The following MXRA5 variants were observed in gnomAD, a reference collection of about 807,000 sequenced individuals.
MXRA5 encodes matrix-remodeling-associated protein 5.
A neutral mutation model predicts 112.5 loss-of-function variants in MXRA5; 41 were observed. That is an observed-to-expected ratio of 0.36 (90% confidence interval 0.28 to 0.47). MXRA5 has a LOEUF of 0.47. Ranked by LOEUF, MXRA5 falls within the 20% of genes least tolerant of loss-of-function variation. MXRA5 has a pLI of 0.99. For synonymous variants in MXRA5, 862 were observed against 900.8 expected (o/e 0.96, Z 0.77); for missense variants, 2,150 against 2,251.0 (o/e 0.96, Z 0.91).
chrX:3,316,898 A>C (rs988641110), intron 6 of MXRA5, among the ~76,000 whole-genome samples: 5 of 110,398 alleles, frequency 4.5e-5, no homozygotes, highest in African/African-American at 1.3e-4. Flanking sequence ...CTGGTCTCGA[A>C]CTCCTGACCT....
In MXRA5 at chrX:3,323,579, C is replaced by T. The variant is rs770091557; in HGVS notation, c.2106G>A (p.Ser702=). 6.6e-6 allele frequency: 8 copies of T among 1,208,423 alleles called. No homozygotes were observed. Among genetic ancestry groups the T allele is most frequent in the East Asian group, 5.9e-5 (2 of 33,713 alleles). ...REDIVEDEGG[S]GMGDEENTSR... ...AAGTGTTCTCTTCATCTCCCATGCC[C>T]GAGCCCCCTTCATCCTCCACGATGT... Residue 702 remains serine (S), a synonymous_variant, in exon 5 of 7, where the codon TCG becomes TCA. Transcript: ENST00000217939.
intron 6 of MXRA5, 131 bp from the exon 7 acceptor site, chrX:3,311,755 G>T (rs867216259): frequency 3.8e-6 from 2 of 532,921 alleles, no homozygotes; most frequent in Non-Finnish European, 6.0e-6. Flanking sequence ...ATTGCAGAAT[G>T]CCCAGTGGTT....
At chrX:3,328,069 C>T (rs1321800222) in intron 4 of MXRA5, among the ~76,000 whole-genome samples, 1 of 112,371 alleles carries the variant, frequency 8.9e-6, no homozygotes, top group Non-Finnish European at 1.9e-5. Flanking sequence ...TTCAGGCCCC[C>T]TTACATCCAC....
intron 2 of MXRA5, among the ~76,000 whole-genome samples, chrX:3,336,316 A>G (rs1180570634): frequency 8.9e-6 from 1 of 111,759 alleles, no homozygotes. Context: ...ATGTAATAAT[A>G]ATAGAAATAA....
At chrX:3,339,987 A>G (rs145788315) in intron 2 of MXRA5, among the ~76,000 whole-genome samples, 1 of 112,190 alleles carries the variant, frequency 8.9e-6, no homozygotes, top group Non-Finnish European at 1.9e-5. Context: ...CTTAAAATAA[A>G]ATAGGCAAGT....
intron 4 of MXRA5, among the ~76,000 whole-genome samples, chrX:3,328,539 C>T (rs1921566385): frequency 9.0e-6 from 1 of 111,096 alleles, no homozygotes; most frequent in Non-Finnish European, 1.9e-5. Flanking sequence ...AAAATGTTCT[C>T]ACTGCTTTGT....
At position 3,309,665 on chromosome X, in the gene MXRA5, C is replaced by T; in HGVS notation, c.*51G>A. 9.0e-7 allele frequency: 1 copy of T among 1,116,475 alleles called. No homozygotes were observed. Among genetic ancestry groups the T allele is most frequent in the Non-Finnish European group, 1.2e-6 (1 of 826,119 alleles). 92.0% of individuals were successfully genotyped at this position (1,116,475 alleles called of 1,213,427 possible). On this transcript the variant is annotated 3_prime_UTR_variant, in exon 7 of 7. Coordinates refer to ENST00000217939, the MANE Select transcript of MXRA5 (RefSeq NM_015419.4). ...CTATTCCCCAACCTGGCTTCCCTTACAAACCCCGCTTTGTTGTCAGTTCCT... is the reference window on the plus strand; with the variant it reads ...CTATTCCCCAACCTGGCTTCCCTTATAAACCCCGCTTTGTTGTCAGTTCCT...
At chrX:3,346,382 G>T in intron 1 of MXRA5, 133 bp downstream of exon 1, 1 of 292,794 alleles carries the variant, frequency 3.4e-6, no homozygotes, top group Non-Finnish European at 4.6e-6. Context: ...TTCAAACAGT[G>T]CTGGGGAACG....
In MXRA5 at chrX:3,310,282, T is replaced by C; in HGVS notation, c.7921A>G (p.Lys2641Glu). 1.7e-6 allele frequency: 2 copies of C among 1,210,189 alleles called. No individual in the cohort carries two copies. The highest frequency in any genetic ancestry group is 2.2e-6 in the Non-Finnish European group (2 of 894,589). ...ATGCTGACCAGGTTATGATACTGCTTGTTTGCTTCTGGCTTCAGTCCCACC... is the reference window on the plus strand; with the variant it reads ...ATGCTGACCAGGTTATGATACTGCTCGTTTGCTTCTGGCTTCAGTCCCACC... ...LKVGLKPEAN[K>E]QYHNLVSIIN... is the part of the protein sequence containing the mutation. The change falls in exon 7 of 7, where the codon AAG becomes GAG. Residue 2641 changes from lysine to glutamate, a missense_variant. Coordinates refer to ENST00000217939, the MANE Select transcript of MXRA5 (RefSeq NM_015419.4).
In MXRA5 at chrX:3,324,116, C is replaced by T. The variant is rs144210017; in HGVS notation, c.1569G>A (p.Ala523=). 9.1e-6 allele frequency: 11 copies of T among 1,208,744 alleles called. No individual in the cohort carries two copies. In the African/African-American group the frequency reaches 1.1e-4, roughly 12 times the overall value. Residue 523 remains alanine (A), a synonymous_variant, in exon 5 of 7, where the codon GCG becomes GCA. Coordinates refer to ENST00000217939, the MANE Select transcript of MXRA5 (RefSeq NM_015419.4). ...ACTTGCTGTCTGGGTCATCCATGGGCGCTTTCAGGATGGAGCCATCTGGAA... is the reference window on the plus strand; with the variant it reads ...ACTTGCTGTCTGGGTCATCCATGGGTGCTTTCAGGATGGAGCCATCTGGAA... ...WVLPDGSILK[A]PMDDPDSKFS...
chrX:3,345,882 G>A (rs953261255), intron 1 of MXRA5, among the ~76,000 whole-genome samples: 2 of 112,609 alleles, frequency 1.8e-5, no homozygotes, highest in Non-Finnish European at 3.8e-5. Context: ...AGTCCCCGCC[G>A]CCCGGGACTC....
Position 3,320,433 on chromosome X carries a change from A to T in MXRA5, c.5252T>A (p.Ile1751Lys). ...PQLGVTRRPQ[I>K]PTSPAPVMRE... ...CATTACTGGGGCAGGAGAAGTGGGT[A>T]TCTGGGGTCTCCGGGTGACTCCCAA... Residue 1751 changes from isoleucine (I) to lysine (K), a missense_variant, in exon 5 of 7, where the codon ATA becomes AAA. Physicochemically the swap from Ile to Lys is moderately radical, Grantham distance 102 (BLOSUM62 -3). This residue lies in a region of MXRA5 where 1,485 missense variants were observed against 1,471.6 expected (regional missense o/e 1.01). Coordinates refer to ENST00000217939, the MANE Select transcript of MXRA5 (RefSeq NM_015419.4). 1 of 1,211,766 alleles carries T rather than the reference A, an allele frequency of 8.3e-7. No individual in the cohort carries two copies.
In MXRA5 at chrX:3,311,060, C is replaced by G; in HGVS notation, c.7143G>C (p.Leu2381Phe). ...TGGGGATCACCTTGTTGGTTGGGGA[C>G]AACCAAGTCACCTTGGGCATGGGTT... The part of the protein sequence containing the change: ...KGEPMPKVTW[L>F]SPTNKVIPTS... Residue 2381 changes from leucine to phenylalanine, a missense_variant, in exon 7 of 7, where the codon TTG becomes TTC. Physicochemically the swap from Leu to Phe is conservative, Grantham distance 22. Around this residue, in one of 6 missense-constraint regions of MXRA5, gnomAD observed 1,485 missense variants for 1,471.6 expected, o/e 1.01. Transcript: ENST00000217939. 1 of 1,211,486 alleles carries G rather than the reference C, an allele frequency of 8.3e-7. No individual in the cohort carries two copies. The highest frequency in any genetic ancestry group is 1.8e-5 in the South Asian group (1 of 56,950).
At chrX:3,325,001 T>C in intron 4 of MXRA5, 26 bp from the exon 5 acceptor site, 1 of 1,140,691 alleles carries the variant, frequency 8.8e-7, no homozygotes, top group Non-Finnish European at 1.2e-6. Flanking sequence ...AAATAGACAA[T>C]AGGGTAAGGA....
Position 3,317,723 on chromosome X carries a change from G to A in MXRA5, c.5958C>T (p.Phe1986=), listed in dbSNP as rs1308926432. 8.3e-7 allele frequency: 1 copy of A among 1,206,100 alleles called. No homozygotes were observed. The highest frequency in any genetic ancestry group is 3.0e-5 in the East Asian group (1 of 33,720). ...CAGTTTGCCACACCCTCCTGTCAGG[G>A]AAGATCCAGGAAATTTGGGGGGCTG... The part of the protein sequence containing the change: ...GTPAPQISWI[F]PDRRVWQTVS... Residue 1986 remains phenylalanine, a synonymous_variant, in exon 6 of 7, where the codon TTC becomes TTT. Transcript: ENST00000217939.
At position 3,330,093 on chromosome X, in the gene MXRA5, G is replaced by T. The variant is rs1326995109; in HGVS notation, c.634C>A (p.Leu212Ile). Residue 212 changes from leucine to isoleucine, a missense_variant, in exon 4 of 7, where the codon CTT (leucine) becomes ATT (isoleucine). Physicochemically the swap from Leu to Ile is conservative, Grantham distance 5. This residue lies in a region of MXRA5 where 386 missense variants were observed against 411.0 expected (regional missense o/e 0.94). Coordinates refer to ENST00000217939, the MANE Select transcript of MXRA5 (RefSeq NM_015419.4). ...GTCCACGGATTTCCCTGCAAGTAAAGATTCTCCAGAAGCGGCATGTTCCGA... is the reference window on the plus strand; with the variant it reads ...GTCCACGGATTTCCCTGCAAGTAAATATTCTCCAGAAGCGGCATGTTCCGA... ...MLRNMPLLEN[L>I]YLQGNPWTCD... The T allele has an allele frequency of 1.3e-5, 16 of 1,210,617 alleles. No homozygotes were observed. The highest frequency in any genetic ancestry group is 1.8e-5 in the Non-Finnish European group (16 of 895,006).
At chrX:3,345,684 C>A (rs1422009590) in intron 1 of MXRA5, among the ~76,000 whole-genome samples, 1 of 113,148 alleles carries the variant, frequency 8.8e-6, no homozygotes, top group Non-Finnish European at 1.9e-5. Context: ...GGTCTGCGAA[C>A]CCCGCCGGGA....
chrX:3,317,926 G>C lies in MXRA5; in HGVS notation c.5755C>G (p.Gln1919Glu). The change falls in exon 6 of 7, where the codon CAA (glutamine) becomes GAA (glutamate). Residue 1919 changes from glutamine to glutamate, a missense_variant. Transcript: ENST00000217939. ...KNGTLVIRKV[Q>E]VQDRGQYMCT... ...ATATACTGGCCTCGATCTTGTACTT[G>C]AACCTTCCGTATCACTAAGGTACCG... The C allele has an allele frequency of 8.3e-7, 1 of 1,211,174 alleles. No homozygotes were observed. The highest frequency in any genetic ancestry group is 1.1e-6 in the Non-Finnish European group (1 of 895,217).
chrX:3,341,017 G>GTATAATATATA (rs1921908634), intron 2 of MXRA5, among the ~76,000 whole-genome samples: 1 of 50,309 alleles, frequency 2.0e-5, no homozygotes, highest in Non-Finnish European at 4.0e-5. Context: ...TATTATACAT[G>GTATAATATATA]ATATATATAA....
Sources: allele counts gnomAD v4.1 joint callset (sites outside exome capture counted in the v4.1 genomes callset), GRCh38; gene constraint gnomAD v4.1.1; regional missense constraint gnomAD v4.1.1; transcripts MANE v1.5; gene names NCBI Gene and HGNC (gene_info 2026-07-23, HGNC 2026-07-21).